Variants in TTC27 observed in about 807,000 individuals in gnomAD.
TTC27 encodes the protein tetratricopeptide repeat domain 27.
A neutral mutation model predicts 115.9 loss-of-function variants in TTC27; 79 were observed. The observed-to-expected ratio is 0.68, with a 90% confidence interval of 0.57 to 0.82. TTC27 has a LOEUF of 0.82. Ranked by LOEUF, TTC27 falls within the 40% of genes least tolerant of loss-of-function variation. The pLI is 0.00. For synonymous variants in TTC27, 401 were observed against 356.0 expected (o/e 1.13, Z -1.42); for missense variants, 1,054 against 993.1 (o/e 1.06, Z -0.82).
chr2:32,629,052 G>T (rs901306579), intron 1 of TTC27, among the ~76,000 whole-genome samples: 1 of 151,814 alleles, frequency 6.6e-6, no homozygotes, highest in African/African-American at 2.4e-5. Flanking sequence ...GAGCCACCGC[G>T]CCCGGGTCTG....
chr2:32,749,413 A>T (rs540754665), intron 12 of TTC27, among the ~76,000 whole-genome samples: 3 of 152,208 alleles, frequency 2.0e-5, no homozygotes, highest in Non-Finnish European at 4.4e-5. Context: ...TTGGTATTCA[A>T]GACTACTACA....
intron 8 of TTC27, among the ~76,000 whole-genome samples, chr2:32,676,493 G>T (rs1157671422): frequency 7.5e-5 from 10 of 133,880 alleles, no homozygotes; most frequent in African/African-American, 1.4e-4. Context: ...TTTTCATTCT[G>T]TTTTTTTTTT....
chr2:32,691,535 G>A (rs1451885594), intron 9 of TTC27, among the ~76,000 whole-genome samples: 1 of 152,018 alleles, frequency 6.6e-6, no homozygotes, highest in African/African-American at 2.4e-5. Context: ...CTGACCTCAG[G>A]TGATCAGTCC....
At chr2:32,695,673 C>T (rs189237859) in intron 9 of TTC27, among the ~76,000 whole-genome samples, 36 of 135,278 alleles carry the variant, frequency 2.7e-4, no homozygotes, top group African/African-American at 8.9e-4. Context: ...GAGCTGAGAT[C>T]GCGCCACCAC....
intron 4 of TTC27, among the ~76,000 whole-genome samples, chr2:32,648,362 C>G (rs1020698499): frequency 1.3e-5 from 2 of 151,622 alleles, no homozygotes; most frequent in African/African-American, 4.9e-5. Flanking sequence ...CTCCTGACCT[C>G]AGGTGATCAG....
chr2:32,660,736 A>G (rs1022865546), intron 5 of TTC27, among the ~76,000 whole-genome samples: 3 of 152,090 alleles, frequency 2.0e-5, no homozygotes, highest in African/African-American at 7.2e-5. Flanking sequence ...CACTCTGATG[A>G]TAGTTTCTTT....
chr2:32,637,587 T>G (rs1664477585), intron 3 of TTC27, among the ~76,000 whole-genome samples: 1 of 152,196 alleles, frequency 6.6e-6, no homozygotes, highest in Non-Finnish European at 1.5e-5. Flanking sequence ...TGCCTCAGCC[T>G]CCCAAAGTGC....
intron 9 of TTC27, among the ~76,000 whole-genome samples, chr2:32,700,277 A>T (rs935485843): frequency 2.0e-5 from 3 of 151,828 alleles, no homozygotes; most frequent in African/African-American, 7.3e-5. Flanking sequence ...AGAGAGGAGG[A>T]AAGTGAGACA....
intron 10 of TTC27, among the ~76,000 whole-genome samples, chr2:32,729,990 C>T (rs890067596): frequency 1.3e-5 from 2 of 152,088 alleles, no homozygotes; most frequent in East Asian, 1.9e-4. Context: ...AATTTCTGGG[C>T]GTGTGTGAAA....
At chr2:32,634,100 AC>A in intron 3 of TTC27, 95 bp downstream of exon 3, 2 of 1,379,186 alleles carry the variant, frequency 1.5e-6, no homozygotes, top group East Asian at 5.1e-5. Context: ...TAGGAAAGAA[AC>A]ATGACTTTAT....
At chr2:32,732,873 G>A (rs750857592) in intron 10 of TTC27, among the ~76,000 whole-genome samples, 92 of 152,246 alleles carry the variant, frequency 6.0e-4, no homozygotes, top group Non-Finnish European at 1.0e-3. Context: ...GGCAAAAAAA[G>A]AAAATTTGAG....
chr2:32,774,603 T>A (rs141795857), intron 13 of TTC27, among the ~76,000 whole-genome samples: 50 of 152,356 alleles, frequency 3.3e-4, no homozygotes, highest in African/African-American at 1.2e-3. Flanking sequence ...AGAGAGGTTT[T>A]TTTTGAAGCT....
chr2:32,767,972 G>A (rs1174591629), intron 13 of TTC27, among the ~76,000 whole-genome samples: 1 of 152,110 alleles, frequency 6.6e-6, no homozygotes, highest in African/African-American at 2.4e-5. Context: ...CAACTTTGAA[G>A]TAGCAGGTAA....
At chr2:32,816,048 T>G (rs1671491237) in intron 18 of TTC27, among the ~76,000 whole-genome samples, 1 of 152,146 alleles carries the variant, frequency 6.6e-6, no homozygotes, top group Non-Finnish European at 1.5e-5. Context: ...CTGGGTATGG[T>G]GTCTCATGCC....
At position 32,759,193 on chromosome 2, in the gene TTC27, C is replaced by G. The variant is rs917828794; in HGVS notation, c.1680+674C>G. Among the ~76,000 whole-genome samples, 7 of 152,264 alleles carry G rather than the reference C, an allele frequency of 4.6e-5. No individual in the cohort carries two copies. In the East Asian group the frequency reaches 1.4e-3, roughly 29 times the overall value. ...TTTTTCTACCAAACTTTATTTATAA[C>G]TGCCTTCCCATTTCACCAATCAAAG... On this transcript the variant is annotated intron_variant, in intron 13 of 19. Transcript: ENST00000317907.
chr2:32,688,520 T>G (rs1380244636), intron 9 of TTC27, among the ~76,000 whole-genome samples: 4 of 152,122 alleles, frequency 2.6e-5, no homozygotes, highest in East Asian at 1.9e-4. Context: ...TTACACGGCA[T>G]GTATCTCACA....
intron 8 of TTC27, among the ~76,000 whole-genome samples, chr2:32,673,536 G>A (rs1005446160): frequency 6.6e-6 from 1 of 152,034 alleles, no homozygotes; most frequent in Non-Finnish European, 1.5e-5. Flanking sequence ...CACCTTATGC[G>A]TTTTTAGCTG....
intron 5 of TTC27, among the ~76,000 whole-genome samples, chr2:32,655,482 A>T (rs1665283568): frequency 6.6e-6 from 1 of 152,102 alleles, no homozygotes. Context: ...TTAGTTCCTG[A>T]TTCCCTGTAT....
chr2:32,628,525 C>T, intron 1 of TTC27, 145 bp downstream of exon 1: 1 of 810,416 alleles, frequency 1.2e-6, no homozygotes, highest in South Asian at 2.1e-5. Context: ...TAGTCTTTGA[C>T]ATGGTGGGCG....
Sources: gnomAD v4.1 joint callset for allele counts (sites outside exome capture counted in the v4.1 genomes callset) on GRCh38, gnomAD v4.1.1 for gene constraint, MANE v1.5 for transcripts, NCBI Gene and HGNC (gene_info 2026-07-23, HGNC 2026-07-21) for gene names.